TMTC2: variants seen among roughly 807,000 people sequenced by gnomAD.
The protein encoded by TMTC2 is protein O-mannosyl-transferase TMTC2.
A neutral mutation model predicts 82.4 loss-of-function variants in TMTC2; 43 were observed. That is an observed-to-expected ratio of 0.52 (90% CI 0.41 to 0.67). TMTC2 has a LOEUF of 0.67. Among genes scored for constraint, TMTC2 ranks in the 30% least tolerant of loss-of-function variants. The probability of loss-of-function intolerance (pLI) is 0.00; values close to 1 mark genes in which losing one functional copy is unlikely to be tolerated. For missense variants in TMTC2, 919 were observed against 1,012.4 expected (o/e 0.91, Z 1.25); for synonymous variants, 408 against 381.9 (o/e 1.07, Z -0.80).
At chr12:82,919,939 C>T (rs969688183) in intron 3 of TMTC2, among the ~76,000 whole-genome samples, 3 of 152,148 alleles carry the variant, frequency 2.0e-5, no homozygotes, top group Non-Finnish European at 4.4e-5. Context: ...TCTGAGCCCT[C>T]CCATGGCAAT....
intron 4 of TMTC2, among the ~76,000 whole-genome samples, chr12:82,942,589 A>G (rs1876781157): frequency 6.6e-6 from 1 of 152,246 alleles, no homozygotes; most frequent in African/African-American, 2.4e-5. Context: ...TAATGATTTC[A>G]TCAACCAGCT....
At chr12:82,748,713 T>TA (rs1165150174) in intron 1 of TMTC2, among the ~76,000 whole-genome samples, 1 of 152,014 alleles carries the variant, frequency 6.6e-6, no homozygotes, top group African/African-American at 2.4e-5. Flanking sequence ...CCATCTCTAC[T>TA]AAAAATACAA....
chr12:82,831,071 G>A (rs1480898043), intron 1 of TMTC2, among the ~76,000 whole-genome samples: 1 of 152,172 alleles, frequency 6.6e-6, no homozygotes, highest in Admixed American at 6.5e-5. Context: ...ACAGGAAAAT[G>A]GATATTTGTT....
At chr12:83,113,576 T>C (rs1884663706) in intron 11 of TMTC2, among the ~76,000 whole-genome samples, 1 of 152,210 alleles carries the variant, frequency 6.6e-6, no homozygotes, top group Non-Finnish European at 1.5e-5. Flanking sequence ...GCCGTGTTTA[T>C]TTATTTTTAC....
At chr12:82,917,829 C>G (rs1345274591) in intron 3 of TMTC2, among the ~76,000 whole-genome samples, 3 of 151,846 alleles carry the variant, frequency 2.0e-5, no homozygotes, top group Non-Finnish European at 4.4e-5. Flanking sequence ...GTCTTGATCT[C>G]CTGACCTCGT....
chr12:82,980,120 G>T (rs114031382), intron 7 of TMTC2, among the ~76,000 whole-genome samples: 4 of 151,498 alleles, frequency 2.6e-5, no homozygotes, highest in Non-Finnish European at 4.4e-5. Context: ...TTCGTAACTC[G>T]GTGCTGGGTC....
At chr12:82,887,221 T>C (rs1292429685) in intron 2 of TMTC2, among the ~76,000 whole-genome samples, 1 of 152,222 alleles carries the variant, frequency 6.6e-6, no homozygotes, top group African/African-American at 2.4e-5. Context: ...TTTTCGTTCA[T>C]TGAGACTAAA....
Position 83,132,501 on chromosome 12 carries a change from C to A in TMTC2, c.*112C>A. 8.0e-7 allele frequency: 1 copy of A among 1,249,374 alleles called. No homozygotes were observed. The highest frequency in any genetic ancestry group is 1.1e-6 in the Non-Finnish European group (1 of 902,158). The allele number at this position is 1,249,374 out of a possible 1,614,324, so 77.4% of individuals were successfully genotyped here. On this transcript the variant is annotated 3_prime_UTR_variant, in exon 12 of 12. Transcript: ENST00000321196. ...CTGGTGTTAGACTTCAAGACCAGGG[C>A]AGAGGTCATTGAGGTCACTACCGCT...
chr12:82,948,249 C>T (rs1877137289), intron 4 of TMTC2, among the ~76,000 whole-genome samples: 2 of 152,048 alleles, frequency 1.3e-5, no homozygotes, highest in South Asian at 2.1e-4. Context: ...CCGATAGTCC[C>T]AGCTACTTAG....
At chr12:82,834,706 C>T (rs1314739771) in intron 1 of TMTC2, among the ~76,000 whole-genome samples, 1 of 152,230 alleles carries the variant, frequency 6.6e-6, no homozygotes, top group African/African-American at 2.4e-5. Flanking sequence ...TTGAATGCCT[C>T]CTTATTTTAA....
chr12:82,981,805 T>A (rs1188642754), intron 7 of TMTC2, among the ~76,000 whole-genome samples: 1 of 151,908 alleles, frequency 6.6e-6, no homozygotes, highest in Non-Finnish European at 1.5e-5. Context: ...CTTTATGGAA[T>A]TTTTATGATT....
chr12:82,857,705 C>T (rs1283350085), intron 2 of TMTC2, 125 bp downstream of exon 2: 3 of 857,152 alleles, frequency 3.5e-6, no homozygotes, highest in Admixed American at 3.0e-5. Context: ...CCTTTTTGAT[C>T]TTCAGTAAGT....
intron 3 of TMTC2, among the ~76,000 whole-genome samples, chr12:82,911,990 G>A (rs1425382036): frequency 6.6e-6 from 1 of 152,094 alleles, no homozygotes; most frequent in South Asian, 2.1e-4. Context: ...AACTGTATTG[G>A]AGGTTTTATT....
chr12:82,966,231 A>C (rs1406293975), intron 6 of TMTC2, among the ~76,000 whole-genome samples: 1 of 152,146 alleles, frequency 6.6e-6, no homozygotes, highest in African/African-American at 2.4e-5. Flanking sequence ...TTATGAAATA[A>C]AATGTAATTT....
chr12:82,872,208 G>A (rs77414855), intron 2 of TMTC2, among the ~76,000 whole-genome samples: 4,923 of 152,198 alleles, frequency 0.032, 281 homozygotes, highest in African/African-American at 0.11. Context: ...GTCCCAGAAG[G>A]GAAATGGGCA....
intron 1 of TMTC2, among the ~76,000 whole-genome samples, chr12:82,769,142 C>T (rs1038941078): frequency 9.9e-5 from 15 of 150,996 alleles, no homozygotes; most frequent in African/African-American, 2.2e-4. Context: ...TCAGTGGCCA[C>T]GAGAATCTAG....
At chr12:82,753,702 G>C (rs567203437) in intron 1 of TMTC2, among the ~76,000 whole-genome samples, 2 of 152,144 alleles carry the variant, frequency 1.3e-5, no homozygotes, top group Non-Finnish European at 2.9e-5. Context: ...ATTGCCAAAG[G>C]CACAGTTAAA....
At chr12:82,794,273 T>A (rs974571546) in intron 1 of TMTC2, among the ~76,000 whole-genome samples, 18 of 152,146 alleles carry the variant, frequency 1.2e-4, no homozygotes, top group African/African-American at 9.6e-5. Context: ...CTCTTTTTAC[T>A]GCTTGTCATT....
intron 1 of TMTC2, among the ~76,000 whole-genome samples, chr12:82,769,672 G>A (rs1426912992): frequency 6.6e-6 from 1 of 152,032 alleles, no homozygotes; most frequent in African/African-American, 2.4e-5. Context: ...GTGCAGTGGC[G>A]CCATCTCGGC....
Sources: gnomAD v4.1 joint callset for allele counts (sites outside exome capture counted in the v4.1 genomes callset) on GRCh38, gnomAD v4.1.1 for gene constraint, MANE v1.5 for transcripts, NCBI Gene and HGNC (gene_info 2026-07-23, HGNC 2026-07-21) for gene names.